TBCK: variants seen among roughly 807,000 people sequenced by gnomAD.
TBCK encodes the protein TBC domain-containing protein kinase-like protein.
In TBCK, 99 loss-of-function variants were observed where a neutral mutation model predicts 113.4. The ratio of observed to expected loss-of-function variants is 0.87; its 90% CI spans 0.74 to 1.03. The LOEUF (loss-of-function observed/expected upper bound fraction) is 1.03, where lower values mean the gene tolerates loss of function less well. Ranked by LOEUF, TBCK falls within the 50% of genes least tolerant of loss-of-function variation. TBCK has a pLI of 0.00. For missense variants in TBCK, 1,045 were observed against 1,061.3 expected (o/e 0.98, Z 0.21); for synonymous variants, 369 against 370.8 (o/e 1.00, Z 0.05).
chr4:106,297,247 A>G (rs1766412878), intron 2 of TBCK, among the ~76,000 whole-genome samples: 1 of 152,214 alleles, frequency 6.6e-6, no homozygotes, highest in South Asian at 2.1e-4. Context: ...CCTATATTAT[A>G]GGCTTTAATA....
At chr4:106,259,180 T>A (rs568498480) in intron 5 of TBCK, among the ~76,000 whole-genome samples, 9 of 151,884 alleles carry the variant, frequency 5.9e-5, no homozygotes, top group African/African-American at 2.2e-4. Context: ...TAAGACACAG[T>A]CATAAACTTA....
chr4:106,309,704 C>A (rs1022160585), intron 1 of TBCK, among the ~76,000 whole-genome samples: 2 of 152,058 alleles, frequency 1.3e-5, no homozygotes, highest in African/African-American at 4.8e-5. Context: ...AATATAGGTA[C>A]CAACTAGTAA....
At chr4:106,143,086 T>A (rs1747323274) in intron 23 of TBCK, among the ~76,000 whole-genome samples, 1 of 152,212 alleles carries the variant, frequency 6.6e-6, no homozygotes. Flanking sequence ...CATATTTATT[T>A]TCTTCTTTTG....
At chr4:106,080,199 C>T (rs1482709332) in intron 25 of TBCK, among the ~76,000 whole-genome samples, 1 of 149,978 alleles carries the variant, frequency 6.7e-6, no homozygotes, top group South Asian at 2.1e-4. Context: ...TTGGCATGAA[C>T]CAAAAAAAAA....
intron 23 of TBCK, among the ~76,000 whole-genome samples, chr4:106,133,881 G>T (rs918404717): frequency 2.0e-5 from 3 of 152,050 alleles, no homozygotes; most frequent in African/African-American, 7.2e-5. Flanking sequence ...ATGGTGGTGG[G>T]TGCCTGTAAT....
rs190473972 is a variant in TBCK at position 106,123,011 on chromosome 4, G to A, written c.2236-6633C>T. On this transcript the variant is annotated intron_variant, in intron 23 of 25. Transcript: ENST00000394708. ...CACCACTCCTATTCAACATAGTGTT[G>A]GAAGTTCTGGCCAGGGCAATTAGGC... Among the ~76,000 whole-genome samples the A allele has an allele frequency of 5.0e-3, 761 of 152,306 alleles. 4 individuals are homozygous for A. Among genetic ancestry groups the A allele is most frequent in the African/African-American group, 0.018 (732 of 41,562 alleles).
chr4:106,199,825 C>A (rs1259792675), intron 20 of TBCK, among the ~76,000 whole-genome samples: 1 of 152,178 alleles, frequency 6.6e-6, no homozygotes, highest in East Asian at 1.9e-4. Flanking sequence ...CCAACATTAT[C>A]TCTTGCCTAG....
chr4:106,233,614 CTT>C lies in TBCK; in HGVS notation c.1484_1485del (p.Lys495ArgfsTer8). 1 of 1,611,406 alleles carries C rather than the reference CTT, an allele frequency of 6.2e-7. No individual in the cohort carries two copies. Among genetic ancestry groups the C allele is most frequent in the Non-Finnish European group, 8.5e-7 (1 of 1,178,488 alleles). On this transcript the variant is annotated frameshift_variant, in exon 16 of 26. Coordinates refer to ENST00000394708, the MANE Select transcript of TBCK (RefSeq NM_001163435.3). LOFTEE classifies it high-confidence loss of function. ...TGTCTATCTGTAGGAATTGGAGTGT[CTT>C]TATCAATTGCATCGTACTTGGCATG... ...AIHAKYDAID[K>X]DTPIPTDRQI...
At chr4:106,130,910 A>C (rs894058415) in intron 23 of TBCK, among the ~76,000 whole-genome samples, 11 of 152,218 alleles carry the variant, frequency 7.2e-5, no homozygotes, top group Non-Finnish European at 1.5e-4. Flanking sequence ...TATAATAGGT[A>C]ATAGATCTGG....
chr4:106,203,562 TA>T (rs1439356326), intron 20 of TBCK, among the ~76,000 whole-genome samples: 3 of 151,702 alleles, frequency 2.0e-5, no homozygotes, highest in African/African-American at 7.2e-5. Context: ...AAGAAACAAA[TA>T]AAAAATAACT....
chr4:106,231,455 C>A (rs1214193231), intron 18 of TBCK, among the ~76,000 whole-genome samples: 8 of 151,618 alleles, frequency 5.3e-5, no homozygotes, highest in African/African-American at 1.9e-4. Context: ...TTTACAAATT[C>A]TTTAGAAAGT....
At chr4:106,148,269 A>T (rs940499225) in intron 23 of TBCK, among the ~76,000 whole-genome samples, 4 of 152,182 alleles carry the variant, frequency 2.6e-5, no homozygotes, top group African/African-American at 9.7e-5. Flanking sequence ...TCTGTGACCC[A>T]CACCTATTCG....
chr4:106,308,501 A>C (rs969402830), intron 2 of TBCK, among the ~76,000 whole-genome samples: 1 of 152,226 alleles, frequency 6.6e-6, no homozygotes, highest in Non-Finnish European at 1.5e-5. Flanking sequence ...CAATACATCG[A>C]AAGAGGACAG....
chr4:106,193,841 A>C, intron 21 of TBCK, 71 bp from the exon 22 acceptor site: 1 of 1,016,856 alleles, frequency 9.8e-7, no homozygotes, highest in Non-Finnish European at 1.4e-6. Context: ...AACTTACTTT[A>C]CTAGTTCTAT....
chr4:106,278,267 G>T (rs760331037), intron 3 of TBCK, among the ~76,000 whole-genome samples: 4 of 152,022 alleles, frequency 2.6e-5, no homozygotes, highest in African/African-American at 4.8e-5. Context: ...AAGAAATAAA[G>T]AGTTCATGGG....
intron 23 of TBCK, among the ~76,000 whole-genome samples, chr4:106,125,902 A>G (rs915593125): frequency 3.3e-5 from 5 of 152,224 alleles, no homozygotes; most frequent in African/African-American, 1.2e-4. Context: ...CTAGATTTGA[A>G]ATATTTCCAA....
At position 106,042,358 on chromosome 4, in the gene TBCK, G is replaced by C. The variant is rs1733916847; in HGVS notation, c.*4212C>G. On this transcript the variant is annotated 3_prime_UTR_variant, in exon 26 of 26. Coordinates refer to ENST00000394708, the MANE Select transcript of TBCK (RefSeq NM_001163435.3). ...TTTATTAAATAAGACTACTGCATAA[G>C]ATTTTTTTTTTTCTTTTTTGAGACG... The C allele has an allele frequency of 6.6e-6, 1 of 151,846 alleles. No individual in the cohort carries two copies. The highest frequency in any genetic ancestry group is 1.5e-5 in the Non-Finnish European group (1 of 67,970). 9.4% of individuals were successfully genotyped at this position (151,846 alleles called of 1,614,324 possible). A position where few individuals can be genotyped will look rare whatever the true frequency, so the allele number is the denominator to read the frequency against.
intron 3 of TBCK, among the ~76,000 whole-genome samples, chr4:106,263,544 G>A (rs181528877): frequency 3.0e-4 from 46 of 151,930 alleles, no homozygotes; most frequent in African/African-American, 1.1e-3. Flanking sequence ...AGAAAGTTTT[G>A]TGGCATGAGG....
chr4:106,188,997 C>T (rs72891621), intron 22 of TBCK, among the ~76,000 whole-genome samples: 3,979 of 152,008 alleles, frequency 0.026, 160 homozygotes, highest in African/African-American at 0.091. Context: ...GCAGTATTTC[C>T]ACCACAAACA....
Sources: allele counts gnomAD v4.1 joint callset (sites outside exome capture counted in the v4.1 genomes callset), GRCh38; gene constraint gnomAD v4.1.1; transcripts MANE v1.5; gene names NCBI Gene and HGNC (gene_info 2026-07-23, HGNC 2026-07-21).